FREM2: variants seen among roughly 807,000 people sequenced by gnomAD.
FREM2 encodes FRAS1 related extracellular matrix 2.
In FREM2, 119 loss-of-function variants were observed where a neutral mutation model predicts 219.9. The observed-to-expected ratio is 0.54, with a 90% CI of 0.47 to 0.63. The LOEUF is 0.63. FREM2 is among the 30% of genes least tolerant of loss of function. The pLI, the probability that FREM2 is intolerant of heterozygous loss-of-function variation, is 0.00. For missense variants in FREM2, 4,030 were observed against 3,993.6 expected, an observed-to-expected ratio of 1.01 and a Z score of -0.25; for synonymous variants, 1,562 against 1,522.8, an observed-to-expected ratio of 1.03 and a Z score of -0.60.
At chr13:38,728,042 G>A (rs1871601384) in intron 2 of FREM2, among the ~76,000 whole-genome samples, 1 of 152,116 alleles carries the variant, frequency 6.6e-6, no homozygotes, top group Non-Finnish European at 1.5e-5. Context: ...CTTGGATGAA[G>A]AAAATAAGAC....
At chr13:38,841,883 A>AT (rs1299553719) in intron 6 of FREM2, among the ~76,000 whole-genome samples, 3 of 152,240 alleles carry the variant, frequency 2.0e-5, no homozygotes, top group Non-Finnish European at 4.4e-5. Flanking sequence ...TTACCAGTGA[A>AT]TAGAGGAAGC....
chr13:38,851,540 G>T, intron 10 of FREM2, 146 bp from the exon 11 acceptor site: 1 of 696,414 alleles, frequency 1.4e-6, no homozygotes, highest in Non-Finnish European at 2.5e-6. Context: ...TTCCACACAC[G>T]TCACTAATTT....
chr13:38,863,165 T>C (rs950128584), intron 15 of FREM2, among the ~76,000 whole-genome samples: 11 of 152,152 alleles, frequency 7.2e-5, no homozygotes, highest in Non-Finnish European at 1.5e-4. Context: ...TTCTCATGCC[T>C]CAGCCTCCTA....
At chr13:38,840,064 A>G (rs1220190741) in intron 6 of FREM2, among the ~76,000 whole-genome samples, 1 of 152,152 alleles carries the variant, frequency 6.6e-6, no homozygotes, top group East Asian at 1.9e-4. Context: ...TTTGTGCTTG[A>G]AACTCAGGGC....
rs755085783 is a variant in FREM2 at position 38,874,478 on chromosome 13, A to G, written c.8177-4A>G. ...TTTCATTCTTGGTACTCTCCCCATT[A>G]TAGGTTCTCTCTATCCAACCAGCAT... On this transcript the variant is annotated splice_region_variant and splice_polypyrimidine_tract_variant and intron_variant, in intron 17 of 23. Coordinates refer to ENST00000280481, the MANE Select transcript of FREM2 (RefSeq NM_207361.6). 2 of 1,612,192 alleles carry G rather than the reference A, an allele frequency of 1.2e-6. No individual in the cohort carries two copies. The highest frequency in any genetic ancestry group is 1.3e-5 in the African/African-American group (1 of 74,962).
rs1348695973 is a variant in FREM2 at position 38,864,575 on chromosome 13, A to G, written c.7952A>G (p.Asp2651Gly). The G allele has an allele frequency of 8.7e-6, 14 of 1,614,054 alleles. No individual in the cohort carries two copies. The highest frequency in any genetic ancestry group is 1.3e-5 in the African/African-American group (1 of 74,924). The change falls in exon 16 of 24, where the codon GAC becomes GGC. Residue 2651 changes from aspartate (D) to glycine (G), a missense_variant. Coordinates refer to ENST00000280481, the MANE Select transcript of FREM2 (RefSeq NM_207361.6). ...SYYDMSELLA[D>G]CGGTIGTDGQ... ...TATGACATGTCAGAACTCCTTGCTGACTGTGGTGGCACCATTGGAACAGAT... is the reference window on the plus strand; with the variant it reads ...TATGACATGTCAGAACTCCTTGCTGGCTGTGGTGGCACCATTGGAACAGAT...
intron 6 of FREM2, among the ~76,000 whole-genome samples, chr13:38,831,409 T>C (rs1476817022): frequency 6.6e-6 from 1 of 152,174 alleles, no homozygotes; most frequent in Non-Finnish European, 1.5e-5. Context: ...TATCATTATC[T>C]TTTTGAAGAA....
intron 5 of FREM2, 50 bp from the exon 6 acceptor site, chr13:38,784,507 C>A (rs2137831321): frequency 1.2e-6 from 2 of 1,603,904 alleles, no homozygotes; most frequent in Non-Finnish European, 1.7e-6. Context: ...CTGGAAATAT[C>A]TTTGTCTTAT....
intron 1 of FREM2, among the ~76,000 whole-genome samples, chr13:38,693,947 C>T (rs1353456736): frequency 3.9e-5 from 6 of 151,974 alleles, no homozygotes; most frequent in African/African-American, 1.2e-4. Context: ...GATGCCATGC[C>T]GTCTTACACT....
intron 2 of FREM2, among the ~76,000 whole-genome samples, chr13:38,739,504 C>T (rs1872147162): frequency 6.6e-6 from 1 of 152,146 alleles, no homozygotes; most frequent in African/African-American, 2.4e-5. Flanking sequence ...TTCATGAAAC[C>T]AAATCATTAC....
chr13:38,804,798 T>G (rs1255612747), intron 6 of FREM2, among the ~76,000 whole-genome samples: 1 of 152,128 alleles, frequency 6.6e-6, no homozygotes, highest in Admixed American at 6.6e-5. Flanking sequence ...TTGGGCACAG[T>G]GAGCATTCCA....
chr13:38,709,316 C>T (rs1001374526), intron 2 of FREM2, among the ~76,000 whole-genome samples: 2 of 152,056 alleles, frequency 1.3e-5, no homozygotes, highest in Non-Finnish European at 2.9e-5. Context: ...TTTCCCATAA[C>T]AACTCATATT....
chr13:38,864,115 C>T (rs965289690), intron 15 of FREM2, among the ~76,000 whole-genome samples, 160 bp from the exon 16 acceptor site: 17 of 152,138 alleles, frequency 1.1e-4, no homozygotes, highest in African/African-American at 4.1e-4. Context: ...AGGCATGAGC[C>T]ACGTCACCGG....
Position 38,687,286 on chromosome 13 carries a change from C to T in FREM2, c.-59C>T. ...TCCCGGCGGTGTCTCTTGTTGTCTG[C>T]CCGGGGACCGACTTCGCATGCTCTC... On this transcript the variant is annotated 5_prime_UTR_variant, in exon 1 of 24. Coordinates refer to ENST00000280481, the MANE Select transcript of FREM2 (RefSeq NM_207361.6). 1.9e-6 allele frequency: 3 copies of T among 1,553,182 alleles called. No homozygotes were observed. Among genetic ancestry groups the T allele is most frequent in the South Asian group, 1.2e-5 (1 of 84,394 alleles).
chr13:38,712,217 C>G (rs984964127), intron 2 of FREM2, among the ~76,000 whole-genome samples: 1 of 152,140 alleles, frequency 6.6e-6, no homozygotes. Flanking sequence ...GAACTAGATG[C>G]AACAGAGCAG....
At chr13:38,770,158 TATTTTATATA>T (rs1158031992) in intron 4 of FREM2, among the ~76,000 whole-genome samples, 1 of 147,914 alleles carries the variant, frequency 6.8e-6, no homozygotes, top group African/African-American at 2.4e-5. Context: ...ATTATTTACA[TATTTTATATA>T]ATTTTATATA....
chr13:38,826,409 G>T (rs920116960), intron 6 of FREM2, among the ~76,000 whole-genome samples: 2 of 151,986 alleles, frequency 1.3e-5, no homozygotes, highest in African/African-American at 4.8e-5. Flanking sequence ...GTACAACAAC[G>T]CAAGGAAGCA....
chr13:38,865,950 TAAAG>T (rs905724217), intron 16 of FREM2, among the ~76,000 whole-genome samples: 5 of 152,128 alleles, frequency 3.3e-5, no homozygotes, highest in African/African-American at 1.2e-4. Flanking sequence ...CATGGAAAAA[TAAAG>T]ATTCAATCCC....
intron 2 of FREM2, among the ~76,000 whole-genome samples, chr13:38,714,041 T>C (rs1227302168): frequency 1.3e-5 from 2 of 152,222 alleles, no homozygotes; most frequent in African/African-American, 4.8e-5. Flanking sequence ...GGTACTCTAA[T>C]TGAACTGATT....
Sources: allele counts gnomAD v4.1 joint callset (sites outside exome capture counted in the v4.1 genomes callset), GRCh38; gene constraint gnomAD v4.1.1; transcripts MANE v1.5; gene names NCBI Gene and HGNC (gene_info 2026-07-23, HGNC 2026-07-21).